Variants in RIMS2 observed in about 807,000 individuals in gnomAD.
RIMS2 encodes the protein regulating synaptic membrane exocytosis 2.
RIMS2 carries 59 observed loss-of-function variants against 174.4 expected under a neutral mutation model. That is an observed-to-expected ratio of 0.34 (90% CI 0.27 to 0.42). RIMS2 has a LOEUF of 0.42. RIMS2 is among the 10% of genes least tolerant of loss of function. The pLI is 1.00. For missense variants in RIMS2, 1,620 were observed against 1,666.3 expected, an observed-to-expected ratio of 0.97 and a Z score of 0.48; for synonymous variants, 606 against 572.5, an observed-to-expected ratio of 1.06 and a Z score of -0.84.
intron 3 of RIMS2, among the ~76,000 whole-genome samples, chr8:103,858,552 A>G (rs537029583): frequency 6.6e-6 from 1 of 151,958 alleles, no homozygotes; most frequent in East Asian, 1.9e-4. Flanking sequence ...TCCTAGCTGA[A>G]TAGTATAGGA....
chr8:104,095,758 G>T (rs1027719073), intron 19 of RIMS2, among the ~76,000 whole-genome samples: 1 of 151,970 alleles, frequency 6.6e-6, no homozygotes, highest in Admixed American at 6.6e-5. Flanking sequence ...ATAAAAGCAC[G>T]CCTTATTTAT....
chr8:104,042,051 G>A (rs561786787), intron 19 of RIMS2, among the ~76,000 whole-genome samples: 25 of 151,308 alleles, frequency 1.7e-4, no homozygotes, highest in African/African-American at 2.9e-4. Flanking sequence ...CCTTGCAGGC[G>A]TTTCCTAGTG....
At position 104,185,484 on chromosome 8, in the gene RIMS2, G is replaced by T. The variant is rs186358990; in HGVS notation, c.3335-59432G>T. ...CTGACAAGAGGCGCTAATGCAAATAGTAAACATTATACTAAAAGAGGGCCT... is the reference window on the plus strand; with the variant it reads ...CTGACAAGAGGCGCTAATGCAAATATTAAACATTATACTAAAAGAGGGCCT... On this transcript the variant is annotated intron_variant, in intron 19 of 23. Coordinates refer to ENST00000504942, the Ensembl canonical transcript of RIMS2. 3.8e-4 allele frequency among the ~76,000 whole-genome samples: 57 copies of T among 151,678 alleles called. 1 individual carries two copies. The highest frequency in any genetic ancestry group is 1.4e-3 in the African/African-American group (57 of 41,478).
chr8:104,165,775 A>G (rs2098793045), intron 19 of RIMS2, among the ~76,000 whole-genome samples: 1 of 152,168 alleles, frequency 6.6e-6, no homozygotes, highest in Admixed American at 6.5e-5. Flanking sequence ...TTTAAATAGA[A>G]TATCAGACTA....
At chr8:103,585,068 A>AG (rs1454248308) in intron 1 of RIMS2, among the ~76,000 whole-genome samples, 1 of 152,242 alleles carries the variant, frequency 6.6e-6, no homozygotes, top group East Asian at 1.9e-4. Flanking sequence ...ACTATAAAAG[A>AG]GCAGGAGTCT....
intron 1 of RIMS2, among the ~76,000 whole-genome samples, chr8:103,585,111 CATTT>C (rs1300730152): frequency 3.3e-5 from 5 of 152,076 alleles, no homozygotes; most frequent in Admixed American, 2.0e-4. Flanking sequence ...CAAAAGAAGA[CATTT>C]ATGCGGCCAA....
chr8:104,010,398 T>G (rs2095718725), intron 17 of RIMS2, among the ~76,000 whole-genome samples: 1 of 152,174 alleles, frequency 6.6e-6, no homozygotes, highest in African/African-American at 2.4e-5. Flanking sequence ...GACAAAGGCC[T>G]TCTAAGTTGT....
intron 14 of RIMS2, among the ~76,000 whole-genome samples, chr8:103,947,668 G>A (rs1471041386): frequency 2.6e-5 from 4 of 152,166 alleles, no homozygotes; most frequent in Admixed American, 2.6e-4. Flanking sequence ...TGCAGGACTG[G>A]AAGTTGTTCA....
At chr8:103,660,612 CAA>C (rs766551008) in intron 1 of RIMS2, among the ~76,000 whole-genome samples, 1 of 145,058 alleles carries the variant, frequency 6.9e-6, no homozygotes, top group Non-Finnish European at 1.5e-5. Context: ...AAAACAAAAA[CAA>C]AAAAACAAAT....
intron 1 of RIMS2, among the ~76,000 whole-genome samples, chr8:103,531,361 T>A (rs1837055356): frequency 6.6e-6 from 1 of 152,192 alleles, no homozygotes; most frequent in Admixed American, 6.5e-5. Context: ...ATAAGAAGAT[T>A]CTTATATATT....
intron 19 of RIMS2, among the ~76,000 whole-genome samples, chr8:104,180,700 A>G (rs999409654): frequency 6.6e-6 from 1 of 151,752 alleles, no homozygotes; most frequent in Non-Finnish European, 1.5e-5. Context: ...TTTTAAGGTC[A>G]TTGCACTATT....
intron 1 of RIMS2, among the ~76,000 whole-genome samples, chr8:103,594,609 G>C (rs2094412461): frequency 6.6e-6 from 1 of 151,580 alleles, no homozygotes; most frequent in Non-Finnish European, 1.5e-5. Context: ...ACACGTAAAT[G>C]GTCTGCAAAT....
chr8:103,987,179 A>G (rs778727475), intron 16 of RIMS2, among the ~76,000 whole-genome samples: 4 of 151,852 alleles, frequency 2.6e-5, no homozygotes, highest in Non-Finnish European at 5.9e-5. Flanking sequence ...TTTTTCAAGG[A>G]CAAAGTCTCA....
At chr8:103,885,999 G>A in exon 4 of RIMS2, 1 of 1,612,922 alleles carries the variant, frequency 6.2e-7, no homozygotes, top group Non-Finnish European at 8.5e-7. Context: ...TCTGCTGTAA[G>A]AAAAACAAAA....
At chr8:103,725,775 T>G (rs1190235008) in intron 2 of RIMS2, among the ~76,000 whole-genome samples, 1 of 152,210 alleles carries the variant, frequency 6.6e-6, no homozygotes, top group African/African-American at 2.4e-5. Context: ...CAATTTTCAT[T>G]GCAAACAGTT....
chr8:104,245,706 G>A (rs2099327357), intron 20 of RIMS2, among the ~76,000 whole-genome samples: 1 of 152,176 alleles, frequency 6.6e-6, no homozygotes, highest in African/African-American at 2.4e-5. Context: ...ATTAACAAAG[G>A]AAAATGGGGT....
At chr8:104,249,994 C>G (rs1588264050) in intron 22 of RIMS2, among the ~76,000 whole-genome samples, 1 of 152,180 alleles carries the variant, frequency 6.6e-6, no homozygotes. Context: ...AAAATAGATA[C>G]AGGCTCCAAG....
At position 103,803,312 on chromosome 8, in the gene RIMS2, T is replaced by C. The variant is rs191110170; in HGVS notation, c.698+36775T>C. On this transcript the variant is annotated intron_variant, in intron 3 of 23. Transcript: ENST00000504942. ...TTCTGCTTATTCTGTTTAAAACTAG[T>C]GTTATGTGTCAAATGTAAGACGTAA... 8.7e-4 allele frequency among the ~76,000 whole-genome samples: 133 copies of C among 152,300 alleles called. 2 individuals are homozygous for C. The highest frequency in any genetic ancestry group is 8.6e-3 in the Admixed American group (132 of 15,292).
intron 1 of RIMS2, among the ~76,000 whole-genome samples, chr8:103,692,837 G>A (rs541513856): frequency 1.3e-5 from 2 of 152,306 alleles, no homozygotes; most frequent in Admixed American, 1.3e-4. Flanking sequence ...GCTACCTGGG[G>A]TTGGGGGAGG....
Sources: gnomAD v4.1 joint callset for allele counts (sites outside exome capture counted in the v4.1 genomes callset) on GRCh38, gnomAD v4.1.1 for gene constraint, MANE v1.5 for transcripts, NCBI Gene and HGNC (gene_info 2026-07-23, HGNC 2026-07-21) for gene names.